DYSF: variants seen among roughly 807,000 people sequenced by gnomAD.
DYSF encodes the protein dysferlin, also known as dystrophy-associated fer-1-like 1.
A neutral mutation model predicts 274.9 loss-of-function variants in DYSF; 212 were observed. The ratio of observed to expected loss-of-function variants is 0.77; its 90% CI spans 0.69 to 0.86. DYSF has a LOEUF of 0.86. DYSF is among the 40% of genes least tolerant of loss of function. The pLI is 0.00. For synonymous variants in DYSF, 1,091 were observed against 1,078.7 expected (o/e 1.01, Z -0.22); for missense variants, 2,666 against 2,783.2 (o/e 0.96, Z 0.95).
At chr2:71,584,194 G>A (rs2092990013) in intron 30 of DYSF, among the ~76,000 whole-genome samples, 1 of 152,020 alleles carries the variant, frequency 6.6e-6, no homozygotes, top group African/African-American at 2.4e-5. Context: ...GTGTGAATGG[G>A]GGTGAAGGGT....
chr2:71,516,422 C>A (rs1330670979), intron 9 of DYSF, among the ~76,000 whole-genome samples, 180 bp downstream of exon 9: 1 of 152,148 alleles, frequency 6.6e-6, no homozygotes, highest in Non-Finnish European at 1.5e-5. Flanking sequence ...CGTGTTAAAG[C>A]CTGACATATG....
chr2:71,669,891 C>A, intron 51 of DYSF, 145 bp downstream of exon 51: 1 of 1,012,812 alleles, frequency 9.9e-7, no homozygotes, highest in Non-Finnish European at 1.5e-6. Context: ...CTCCACATGG[C>A]CACCACCTCC....
At chr2:71,572,228 C>T (rs2152820007) in intron 29 of DYSF, among the ~76,000 whole-genome samples, 1 of 6,126 alleles carries the variant, frequency 1.6e-4, no homozygotes, top group Non-Finnish European at 3.3e-4. Context: ...TCACACCCAG[C>T]ACATGCACAG....
At chr2:71,474,321 G>C (rs894505591) in intron 1 of DYSF, among the ~76,000 whole-genome samples, 7 of 152,112 alleles carry the variant, frequency 4.6e-5, no homozygotes, top group African/African-American at 1.7e-4. Flanking sequence ...GAACCCTCAG[G>C]GTTTCATCAT....
chr2:71,468,932 C>T (rs1441280980), intron 1 of DYSF, among the ~76,000 whole-genome samples: 1 of 152,220 alleles, frequency 6.6e-6, no homozygotes, highest in Non-Finnish European at 1.5e-5. Context: ...CAGCCTCTAG[C>T]CATCCTCCAG....
chr2:71,503,345 G>C (rs750781622), intron 4 of DYSF, 26 bp downstream of exon 4: 9 of 1,612,274 alleles, frequency 5.6e-6, no homozygotes, highest in Non-Finnish European at 7.6e-6. Flanking sequence ...CCTCTGCCAG[G>C]TTAAGGTCCA....
intron 41 of DYSF, among the ~76,000 whole-genome samples, chr2:71,642,732 T>G (rs2094505902): frequency 6.6e-6 from 1 of 152,194 alleles, no homozygotes; most frequent in Admixed American, 6.5e-5. Flanking sequence ...GGGTGGAGAC[T>G]CGAGAACCTC....
intron 42 of DYSF, among the ~76,000 whole-genome samples, chr2:71,650,662 A>G (rs966485768): frequency 1.3e-5 from 2 of 152,204 alleles, no homozygotes; most frequent in Admixed American, 1.3e-4. Flanking sequence ...GAAAGTGACA[A>G]TACCAAGAAA....
intron 41 of DYSF, among the ~76,000 whole-genome samples, chr2:71,626,326 T>TG (rs1490423137): frequency 2.6e-5 from 4 of 151,640 alleles, no homozygotes; most frequent in African/African-American, 9.7e-5. Context: ...TCATGAATGT[T>TG]GTTAAATTTT....
chr2:71,664,624 G>T (rs2094962057), intron 46 of DYSF, among the ~76,000 whole-genome samples, 186 bp downstream of exon 46: 1 of 152,240 alleles, frequency 6.6e-6, no homozygotes, highest in African/African-American at 2.4e-5. Flanking sequence ...GAAGCCCAGA[G>T]ATGTTATTGC....
At chr2:71,572,386 T>C (rs113416033) in intron 29 of DYSF, among the ~76,000 whole-genome samples, 3,216 of 152,138 alleles carry the variant, frequency 0.021, 117 homozygotes, top group African/African-American at 0.073. Flanking sequence ...CAGATGCTTA[T>C]AGACAGACAC....
At chr2:71,617,901 T>TGTGGTAGAGGTGGTGTGTG (rs2093941442) in intron 40 of DYSF, among the ~76,000 whole-genome samples, 4 of 16,006 alleles carry the variant, frequency 2.5e-4, no homozygotes, top group Non-Finnish European at 3.6e-4. Context: ...AGAGGTGTGT[T>TGTGGTAGAGGTGGTGTGTG]TGTGGTAGAG....
At chr2:71,565,494 C>G (rs940946648) in intron 24 of DYSF, among the ~76,000 whole-genome samples, 10 of 152,160 alleles carry the variant, frequency 6.6e-5, no homozygotes, top group African/African-American at 2.4e-4. Flanking sequence ...CCCCAAAGCC[C>G]CTCCACGCTG....
chr2:71,682,670 C>A lies in DYSF; in HGVS notation c.6314C>A (p.Ala2105Asp), dbSNP rs886043805. ...LLLFLAIFIYAFPNYAAMKLV... is the reference protein window; with the variant it reads ...LLLFLAIFIYDFPNYAAMKLV... Reference sequence around the variant, plus strand: ...CTGTTCCTGGCCATCTTCATCTACGCCTTCCCGGTGAGCAGGCCTGACGAC... The same window carrying A: ...CTGTTCCTGGCCATCTTCATCTACGACTTCCCGGTGAGCAGGCCTGACGAC... The change falls in exon 55 of 56, where the codon GCC (alanine) becomes GAC (aspartate). Residue 2105 changes from alanine to aspartate, a missense_variant. Ala to Asp is a moderately radical substitution (Grantham distance 126, BLOSUM62 -2). Coordinates refer to ENST00000410020, the MANE Select transcript of DYSF (RefSeq NM_001130987.2). 1 of 1,613,988 alleles carries A rather than the reference C, an allele frequency of 6.2e-7. No individual in the cohort carries two copies. The highest frequency in any genetic ancestry group is 1.3e-5 in the African/African-American group (1 of 75,018).
chr2:71,490,548 G>T (rs1271809993), intron 3 of DYSF, among the ~76,000 whole-genome samples: 1 of 152,124 alleles, frequency 6.6e-6, no homozygotes, highest in African/African-American at 2.4e-5. Flanking sequence ...GCTGGTCTTG[G>T]ACTCCTGACC....
At chr2:71,507,003 G>A (rs560020188) in intron 4 of DYSF, among the ~76,000 whole-genome samples, 3 of 152,128 alleles carry the variant, frequency 2.0e-5, no homozygotes, top group Admixed American at 6.5e-5. Flanking sequence ...TAGAAACACC[G>A]GATGCTCAGG....
At chr2:71,486,465 C>T (rs1224933695) in intron 3 of DYSF, among the ~76,000 whole-genome samples, 2 of 152,190 alleles carry the variant, frequency 1.3e-5, no homozygotes, top group Non-Finnish European at 2.9e-5. Context: ...TCCTCACCAT[C>T]CTCACCGCCA....
chr2:71,612,205 A>G (rs771968302), intron 38 of DYSF, among the ~76,000 whole-genome samples: 23 of 152,234 alleles, frequency 1.5e-4, no homozygotes, highest in Admixed American at 3.3e-4. Context: ...CCCCTGAAGG[A>G]GAGCATATAA....
At chr2:71,621,987 G>A (rs1017817196) in intron 41 of DYSF, among the ~76,000 whole-genome samples, 7 of 152,076 alleles carry the variant, frequency 4.6e-5, no homozygotes, top group Admixed American at 1.3e-4. Flanking sequence ...AGATATGACT[G>A]CATGTCACAT....
Sources: allele counts gnomAD v4.1 joint callset (sites outside exome capture counted in the v4.1 genomes callset), GRCh38; gene constraint gnomAD v4.1.1; transcripts MANE v1.5; gene names NCBI Gene and HGNC (gene_info 2026-07-23, HGNC 2026-07-21).